EIF4G3: variants seen among roughly 807,000 people sequenced by gnomAD.
EIF4G3 encodes the protein eukaryotic translation initiation factor 4 gamma 3, also known as eIF-4-gamma 3.
Under a neutral mutation model 186.4 loss-of-function variants are expected in EIF4G3, and 34 were observed. The ratio of observed to expected loss-of-function variants is 0.18; its 90% CI spans 0.14 to 0.24. The LOEUF (loss-of-function observed/expected upper bound fraction) is 0.24, where lower values mean the gene tolerates loss of function less well. Among genes scored for constraint, EIF4G3 ranks in the 10% least tolerant of loss-of-function variants. The pLI is 1.00. For missense variants in EIF4G3, 1,536 were observed against 1,948.5 expected (o/e 0.79, Z 3.99); for synonymous variants, 673 against 679.5 (o/e 0.99, Z 0.15).
chr1:21,038,494 T>C (rs1487299216), intron 4 of EIF4G3, among the ~76,000 whole-genome samples: 2 of 152,206 alleles, frequency 1.3e-5, no homozygotes, highest in Non-Finnish European at 2.9e-5. Flanking sequence ...CACCTTTACA[T>C]AGTCTCTGGT....
intron 12 of EIF4G3, among the ~76,000 whole-genome samples, chr1:20,966,808 TGTC>T (rs1307452459): frequency 6.6e-6 from 1 of 152,176 alleles, no homozygotes; most frequent in Non-Finnish European, 1.5e-5. Flanking sequence ...AAATGTCAGT[TGTC>T]ATCATTATGC....
At chr1:20,891,555 G>A (rs1274272057) in intron 18 of EIF4G3, among the ~76,000 whole-genome samples, 3 of 149,960 alleles carry the variant, frequency 2.0e-5, no homozygotes, top group South Asian at 2.1e-4. Context: ...GGTGGATCAC[G>A]AGGTCAGGAG....
intron 2 of EIF4G3, among the ~76,000 whole-genome samples, chr1:21,169,462 T>C (rs967519943): frequency 3.3e-5 from 5 of 152,108 alleles, no homozygotes; most frequent in Non-Finnish European, 7.4e-5. Context: ...AAAAAATAAA[T>C]AAATAAAATA....
intron 4 of EIF4G3, among the ~76,000 whole-genome samples, chr1:21,037,608 G>T (rs1241118903): frequency 1.3e-5 from 2 of 152,158 alleles, no homozygotes; most frequent in Non-Finnish European, 2.9e-5. Flanking sequence ...AGACCACGAT[G>T]CAAAGCATAT....
intron 3 of EIF4G3, among the ~76,000 whole-genome samples, chr1:21,070,983 A>C (rs1435028657): frequency 6.6e-6 from 1 of 152,222 alleles, no homozygotes; most frequent in Non-Finnish European, 1.5e-5. Flanking sequence ...CATACCCTGC[A>C]TACAATAGGT....
chr1:21,142,981 G>T (rs914857925), intron 2 of EIF4G3, among the ~76,000 whole-genome samples: 3 of 152,146 alleles, frequency 2.0e-5, no homozygotes, highest in Non-Finnish European at 2.9e-5. Context: ...AAATGTGGTG[G>T]CTCATGCCTG....
In EIF4G3 at chr1:20,941,897, G is replaced by A. The variant is rs144492835; in HGVS notation, c.1257C>T (p.Ser419=). Residue 419 remains serine, a synonymous_variant, in exon 14 of 37, where the codon AGC becomes AGT. Transcript: ENST00000602326. ...TNLINEINGV[S]EKLSATESIV... Reference sequence around the variant, plus strand: ...TGCTCTCCGTGGCTGATAATTTTTCGCTAACTCCATTTATTTCATTAATTA... The same window carrying A: ...TGCTCTCCGTGGCTGATAATTTTTCACTAACTCCATTTATTTCATTAATTA... 1.2e-3 allele frequency: 1,910 copies of A among 1,614,058 alleles called. 25 individuals carry two copies. In the Admixed American group the frequency reaches 0.018, roughly 15 times the overall value.
chr1:21,116,815 G>A (rs1168301588), intron 2 of EIF4G3, among the ~76,000 whole-genome samples: 1 of 150,470 alleles, frequency 6.6e-6, no homozygotes, highest in Non-Finnish European at 1.5e-5. Context: ...CTCCAGCCAG[G>A]GCGACAGAGT....
chr1:20,942,268 T>C lies in EIF4G3; in HGVS notation c.886A>G (p.Ser296Gly), dbSNP rs1171554365. The change falls in exon 14 of 37, where the codon AGT becomes GGT. Residue 296 changes from serine (S) to glycine (G), a missense_variant. Coordinates refer to ENST00000602326, the MANE Select transcript of EIF4G3 (RefSeq NM_001391906.1). Reference sequence around the variant, plus strand: ...CCTTCTTGTTCTTTCTTCTCTCCACTGAGGACTAGCCTAAGGACTGGGGAA... The same window carrying C: ...CCTTCTTGTTCTTTCTTCTCTCCACCGAGGACTAGCCTAAGGACTGGGGAA... ...SPSPVLRLVL[S>G]GEKKEQEGQT... The C allele has an allele frequency of 1.2e-6, 2 of 1,613,616 alleles. No homozygotes were observed. The highest frequency in any genetic ancestry group is 3.3e-5 in the Admixed American group (2 of 59,994).
At chr1:21,026,499 T>C (rs1397695670) in intron 4 of EIF4G3, among the ~76,000 whole-genome samples, 1 of 144,160 alleles carries the variant, frequency 6.9e-6, no homozygotes, top group African/African-American at 2.6e-5. Flanking sequence ...ACTTCTTAGA[T>C]ACAATACCAA....
chr1:20,867,229 A>G (rs535442346), intron 20 of EIF4G3, among the ~76,000 whole-genome samples: 1 of 152,370 alleles, frequency 6.6e-6, no homozygotes, highest in South Asian at 2.1e-4. Context: ...AAGCACTTTA[A>G]TAAGCCACAG....
At chr1:21,006,606 G>A (rs1196378507) in intron 4 of EIF4G3, among the ~76,000 whole-genome samples, 2 of 152,158 alleles carry the variant, frequency 1.3e-5, no homozygotes, top group Non-Finnish European at 2.9e-5. Flanking sequence ...AGCAAACCAA[G>A]CAAATGATGT....
At chr1:20,857,367 G>A in intron 25 of EIF4G3, 36 bp downstream of exon 25, 1 of 1,509,860 alleles carries the variant, frequency 6.6e-7, no homozygotes, top group Non-Finnish European at 9.2e-7. Flanking sequence ...AGGCATCAAA[G>A]GAGAGCGTAA....
At chr1:21,016,861 C>T (rs963509640) in intron 4 of EIF4G3, among the ~76,000 whole-genome samples, 2 of 151,310 alleles carry the variant, frequency 1.3e-5, no homozygotes, top group South Asian at 2.1e-4. Flanking sequence ...CCTAGCTACT[C>T]GGGGGCCTGA....
chr1:21,093,187 T>C (rs1264607440), intron 2 of EIF4G3, among the ~76,000 whole-genome samples: 1 of 152,120 alleles, frequency 6.6e-6, no homozygotes, highest in African/African-American at 2.4e-5. Context: ...AAGAAAAATT[T>C]TGCAATCTAC....
At chr1:21,157,391 A>G (rs1162601755) in intron 2 of EIF4G3, among the ~76,000 whole-genome samples, 1 of 151,116 alleles carries the variant, frequency 6.6e-6, no homozygotes, top group Non-Finnish European at 1.5e-5. Flanking sequence ...TTTTTAAGAG[A>G]AGATCTTGCT....
chr1:21,050,435 CAACA>C (rs568713590), intron 4 of EIF4G3, among the ~76,000 whole-genome samples: 138 of 152,182 alleles, frequency 9.1e-4, no homozygotes, highest in African/African-American at 3.3e-3. Flanking sequence ...ACAACCAAAC[CAACA>C]AACAAAAAAT....
chr1:21,051,608 T>C (rs1314257628), intron 3 of EIF4G3, among the ~76,000 whole-genome samples: 1 of 152,180 alleles, frequency 6.6e-6, no homozygotes, highest in Non-Finnish European at 1.5e-5. Context: ...TCCCAGCACT[T>C]TGGGAGGCCA....
chr1:20,845,606 G>A (rs898093778), intron 29 of EIF4G3, among the ~76,000 whole-genome samples: 2 of 151,944 alleles, frequency 1.3e-5, no homozygotes, highest in African/African-American at 2.4e-5. Flanking sequence ...AGCTTGCAGT[G>A]AGCCGAGATC....
Sources: allele counts gnomAD v4.1 joint callset (sites outside exome capture counted in the v4.1 genomes callset), GRCh38; gene constraint gnomAD v4.1.1; transcripts MANE v1.5; gene names NCBI Gene and HGNC (gene_info 2026-07-23, HGNC 2026-07-21).